ABCC5: variants seen among roughly 807,000 people sequenced by gnomAD.
ABCC5 encodes ATP binding cassette subfamily C member 5, also known as ATP-binding cassette sub-family C member 5.
Under a neutral mutation model 160.9 loss-of-function variants are expected in ABCC5, and 61 were observed. That is an observed-to-expected ratio of 0.38 (90% CI 0.31 to 0.47). ABCC5 has a LOEUF of 0.47. Among genes scored for constraint, ABCC5 ranks in the 20% least tolerant of loss-of-function variants. The pLI is 0.99. For missense variants in ABCC5, 1,308 were observed against 1,813.3 expected, an observed-to-expected ratio of 0.72 and a Z score of 5.06; for synonymous variants, 666 against 700.6, an observed-to-expected ratio of 0.95 and a Z score of 0.78.
At chr3:183,973,293 T>C (rs1194297945) in intron 10 of ABCC5, among the ~76,000 whole-genome samples, 1 of 151,900 alleles carries the variant, frequency 6.6e-6, no homozygotes. Context: ...GACCTCGTGA[T>C]CCACCCGCCT....
intron 2 of ABCC5, chr3:184,010,518 G>A (rs1184234226): frequency 1.3e-5 from 2 of 152,354 alleles, no homozygotes; most frequent in African/African-American, 4.8e-5. Context: ...GCTCGCTGCT[G>A]CCACTGCAAA....
chr3:183,924,071 A>C (rs1165219930), intron 29 of ABCC5, among the ~76,000 whole-genome samples: 3 of 139,746 alleles, frequency 2.1e-5, no homozygotes, highest in Non-Finnish European at 4.5e-5. Context: ...GCTGGAGTGC[A>C]GTGGCGCTAT....
At chr3:183,927,846 G>T (rs1712740903) in intron 27 of ABCC5, 2 of 981,958 alleles carry the variant, frequency 2.0e-6, no homozygotes, top group African/African-American at 3.5e-5. Context: ...GTAAGCTGCA[G>T]AACTTATTCT....
intron 14 of ABCC5, 76 bp downstream of exon 14, chr3:183,965,109 G>A (rs1879257): frequency 0.19 from 280,789 of 1,469,172 alleles, 28,174 homozygotes; most frequent in East Asian, 0.39. Context: ...AAGCATTTCA[G>A]TTGCACTCCC....
chr3:183,925,579 C>G lies in ABCC5; in HGVS notation c.4188G>C (p.Arg1396Ser), dbSNP rs772822657. ...CCTGTCCCTGGGCCAGCACCATAATCCTATCGGAGCCTAGAACCGTGTGCA... is the reference window on the plus strand; with the variant it reads ...CCTGTCCCTGGGCCAGCACCATAATGCTATCGGAGCCTAGAACCGTGTGCA... ...HRLHTVLGSDRIMVLAQGQVV... is the reference protein window; with the variant it reads ...HRLHTVLGSDSIMVLAQGQVV... The change falls in exon 29 of 30, where the codon AGG (arginine) becomes AGC (serine). Residue 1396 changes from arginine to serine, a missense_variant. Physicochemically the swap from Arg to Ser is moderately radical, Grantham distance 110 (BLOSUM62 -1). Coordinates refer to ENST00000334444, the MANE Select transcript of ABCC5 (RefSeq NM_005688.4). 1 of 1,614,050 alleles carries G rather than the reference C, an allele frequency of 6.2e-7. No individual in the cohort carries two copies. The highest frequency in any genetic ancestry group is 8.5e-7 in the Non-Finnish European group (1 of 1,180,008).
chr3:183,936,862 GAGGCTGAAGCTTA>G (rs1475978486), intron 26 of ABCC5, among the ~76,000 whole-genome samples: 1 of 152,186 alleles, frequency 6.6e-6, no homozygotes, highest in African/African-American at 2.4e-5. Flanking sequence ...CTGTTTTCAG[GAGGCTGAAGCTTA>G]AGGCTAAGGG....
intron 27 of ABCC5, 104 bp downstream of exon 27, chr3:183,928,643 A>G (rs771536379): frequency 2.0e-5 from 20 of 1,014,842 alleles, no homozygotes; most frequent in African/African-American, 6.4e-5. Flanking sequence ...CTTTGTCCAC[A>G]GGCATCCTGG....
intron 28 of ABCC5, among the ~76,000 whole-genome samples, chr3:183,926,619 TGA>T (rs1712592875): frequency 6.6e-6 from 1 of 152,138 alleles, no homozygotes. Flanking sequence ...TCTGTGACAG[TGA>T]GCATGTACAA....
chr3:183,964,551 ATGATGC>A (rs368966161), intron 14 of ABCC5, among the ~76,000 whole-genome samples: 1 of 152,242 alleles, frequency 6.6e-6, no homozygotes, highest in African/African-American at 2.4e-5. Context: ...AAGTTCCCAG[ATGATGC>A]TGATGCTGAT....
chr3:183,948,033 C>T (rs1471749086), intron 22 of ABCC5, among the ~76,000 whole-genome samples: 1 of 152,162 alleles, frequency 6.6e-6, no homozygotes, highest in East Asian at 1.9e-4. Flanking sequence ...GAGAAGCAAG[C>T]TAAACCACAG....
chr3:183,922,749 G>A (rs1270755066), intron 29 of ABCC5, among the ~76,000 whole-genome samples: 1 of 152,200 alleles, frequency 6.6e-6, no homozygotes, highest in East Asian at 1.9e-4. Context: ...TTAAGGAGAT[G>A]TAAGAGGAAG....
chr3:183,966,331 CA>C (rs1388749770), intron 12 of ABCC5, among the ~76,000 whole-genome samples: 1 of 152,178 alleles, frequency 6.6e-6, no homozygotes, highest in Non-Finnish European at 1.5e-5. Flanking sequence ...CAGAAGTCCC[CA>C]GGGGGTCTAC....
intron 5 of ABCC5, chr3:183,985,116 T>A (rs1467758519): frequency 3.0e-6 from 2 of 670,374 alleles, no homozygotes; most frequent in Non-Finnish European, 2.5e-6. Context: ...TAAATAACAA[T>A]GACATTTCAA....
At position 183,949,986 on chromosome 3, in the gene ABCC5, C is replaced by T. The variant is rs1577500970; in HGVS notation, c.3084G>A (p.Leu1028=). Residue 1028 remains leucine, a synonymous_variant, in exon 21 of 30, where the codon CTG becomes CTA. Coordinates refer to ENST00000334444, the MANE Select transcript of ABCC5 (RefSeq NM_005688.4). The surrounding 1 kb of genome is among the most constrained non-coding windows in gnomAD (Gnocchi z 4.2). ...VGPLVILFSV[L]HIVSRVLIRE... ...TTCCTATTTACCTGGAGACAATGTGCAGGACTGAAAAGAGGATGACAAGGG... is the reference window on the plus strand; with the variant it reads ...TTCCTATTTACCTGGAGACAATGTGTAGGACTGAAAAGAGGATGACAAGGG... 1 of 1,614,110 alleles carries T rather than the reference C, an allele frequency of 6.2e-7. No individual in the cohort carries two copies. Among genetic ancestry groups the T allele is most frequent in the South Asian group, 1.1e-5 (1 of 91,066 alleles).
chr3:183,922,232 T>C (rs1387395164), intron 29 of ABCC5, among the ~76,000 whole-genome samples: 2 of 150,606 alleles, frequency 1.3e-5, no homozygotes, highest in Non-Finnish European at 3.0e-5. Flanking sequence ...ATTAGCTGGG[T>C]GTGGTGGTGC....
chr3:183,980,896 A>G (rs1027217970), intron 8 of ABCC5, among the ~76,000 whole-genome samples: 2 of 151,888 alleles, frequency 1.3e-5, no homozygotes, highest in African/African-American at 4.8e-5. Context: ...TATTTTTAGT[A>G]CAGACGGGGT....
intron 25 of ABCC5, among the ~76,000 whole-genome samples, chr3:183,941,018 C>T (rs1714287922): frequency 6.6e-6 from 1 of 152,106 alleles, no homozygotes; most frequent in Non-Finnish European, 1.5e-5. Flanking sequence ...ACCACCACGC[C>T]CAGCTAACTT....
At chr3:183,999,102 G>GAAAAAAAAAAAAAAAAAAAAAAAAAAA (rs10576500) in intron 2 of ABCC5, among the ~76,000 whole-genome samples, 1 of 144,430 alleles carries the variant, frequency 6.9e-6, no homozygotes. Context: ...AAAAAAAAAA[G>GAAAAAAAAAAAAAAAAAAAAAAAAAAA]AAAAAAAAAA....
intron 10 of ABCC5, among the ~76,000 whole-genome samples, chr3:183,972,233 G>A (rs1717819011): frequency 6.6e-6 from 1 of 152,160 alleles, no homozygotes; most frequent in African/African-American, 2.4e-5. Flanking sequence ...CTGGCACGTA[G>A]CCCCTTGTTC....
Sources: allele counts gnomAD v4.1 joint callset (sites outside exome capture counted in the v4.1 genomes callset), GRCh38; gene constraint gnomAD v4.1.1; non-coding constraint Gnocchi (gnomAD v3.1); transcripts MANE v1.5; gene names NCBI Gene and HGNC (gene_info 2026-07-23, HGNC 2026-07-21).